Variants in SEC11A observed in about 807,000 individuals in gnomAD.
The protein encoded by SEC11A is signal peptidase complex catalytic subunit SEC11A.
In SEC11A, 14 loss-of-function variants were observed where a neutral mutation model predicts 25.6. That is an observed-to-expected ratio of 0.55 (90% confidence interval 0.36 to 0.85). The LOEUF is 0.85. Ranked by LOEUF, SEC11A falls within the 40% of genes least tolerant of loss-of-function variation. The probability of loss-of-function intolerance (pLI) is 0.01; values close to 1 mark genes in which losing one functional copy is unlikely to be tolerated. For missense variants in SEC11A, 153 were observed against 222.9 expected, an observed-to-expected ratio of 0.69 and a Z score of 2.00; for synonymous variants, 83 against 76.4, an observed-to-expected ratio of 1.09 and a Z score of -0.45.
At chr15:84,680,194 G>A (rs555921580) in intron 4 of SEC11A, among the ~76,000 whole-genome samples, 3 of 151,816 alleles carry the variant, frequency 2.0e-5, no homozygotes, top group Admixed American at 6.6e-5. Context: ...CCAGCTACTC[G>A]GGAGGCTGAG....
Position 84,673,168 on chromosome 15 carries a change from G to A in SEC11A, c.432-2386C>T, listed in dbSNP as rs181742183. 6.9e-3 allele frequency: 1,189 copies of A among 172,260 alleles called. 40 individuals carry two copies. The East Asian group carries it at 0.092, about 13-fold the overall frequency. 10.7% of individuals were successfully genotyped at this position (172,260 alleles called of 1,614,324 possible). The stretch of plus-strand genomic sequence containing the variant: ...CCCCGCCAGGCCAGCCGCCCCGTCC[G>A]GGAGGTGAGGGGCGCCTCTGCCCGG... On this transcript the variant is annotated intron_variant, in intron 4 of 5. Coordinates refer to ENST00000268220, the MANE Select transcript of SEC11A (RefSeq NM_014300.4).
chr15:84,694,467 A>T (rs895788619), intron 1 of SEC11A, among the ~76,000 whole-genome samples: 2 of 152,164 alleles, frequency 1.3e-5, no homozygotes, highest in Admixed American at 1.3e-4. Flanking sequence ...TTCCCTTTTT[A>T]AATCAATTGT....
chr15:84,689,057 A>G (rs1392475712), intron 2 of SEC11A, among the ~76,000 whole-genome samples: 1 of 151,606 alleles, frequency 6.6e-6, no homozygotes, highest in Non-Finnish European at 1.5e-5. Context: ...AAGAAGAAGA[A>G]AAGAAAAAAA....
chr15:84,678,474 TAAC>T (rs1567034537), intron 4 of SEC11A, among the ~76,000 whole-genome samples: 1 of 152,160 alleles, frequency 6.6e-6, no homozygotes, highest in African/African-American at 2.4e-5. Flanking sequence ...TCAGAATACC[TAAC>T]AACAGGAGAC....
intron 1 of SEC11A, among the ~76,000 whole-genome samples, chr15:84,715,596 T>C (rs1415066353): frequency 1.3e-5 from 2 of 152,176 alleles, no homozygotes; most frequent in African/African-American, 2.4e-5. Flanking sequence ...ACGGTTTTTG[T>C]GGGGCCTCCA....
intron 1 of SEC11A, among the ~76,000 whole-genome samples, chr15:84,695,759 A>G (rs1358949907): frequency 6.6e-6 from 1 of 152,206 alleles, no homozygotes; most frequent in African/African-American, 2.4e-5. Flanking sequence ...TTCACACTTG[A>G]TCTTAGCCAA....
At chr15:84,673,891 G>A (rs1458222607) in intron 4 of SEC11A, 1 of 152,072 alleles carries the variant, frequency 6.6e-6, no homozygotes, top group Non-Finnish European at 1.5e-5. Context: ...CCTGGCGACA[G>A]GGTGAGACTC....
chr15:84,704,604 T>G (rs542881791), intron 1 of SEC11A, among the ~76,000 whole-genome samples: 8 of 152,294 alleles, frequency 5.3e-5, no homozygotes, highest in African/African-American at 1.7e-4. Flanking sequence ...TGATACCCAG[T>G]GGGTCTGTGT....
intron 4 of SEC11A, among the ~76,000 whole-genome samples, chr15:84,680,134 T>C (rs1356109464): frequency 6.7e-6 from 1 of 149,704 alleles, no homozygotes; most frequent in Non-Finnish European, 1.5e-5. Context: ...ACGCCATCTC[T>C]ACTAAAAAAA....
chr15:84,678,427 A>G (rs1897196895), intron 4 of SEC11A, among the ~76,000 whole-genome samples: 1 of 152,212 alleles, frequency 6.6e-6, no homozygotes, highest in Non-Finnish European at 1.5e-5. Context: ...AAGGATATTT[A>G]TCATAACATT....
chr15:84,688,509 C>T (rs1211721385), intron 2 of SEC11A, among the ~76,000 whole-genome samples: 1 of 152,158 alleles, frequency 6.6e-6, no homozygotes, highest in Non-Finnish European at 1.5e-5. Context: ...AATTTATGAA[C>T]CCCTTTTTAT....
At chr15:84,675,677 G>A (rs1450307145) in intron 4 of SEC11A, among the ~76,000 whole-genome samples, 1 of 151,936 alleles carries the variant, frequency 6.6e-6, no homozygotes. Flanking sequence ...TCTGTTCCCC[G>A]ATCCTCTGCC....
At chr15:84,687,213 C>T (rs1428090320) in intron 3 of SEC11A, among the ~76,000 whole-genome samples, 1 of 152,102 alleles carries the variant, frequency 6.6e-6, no homozygotes, top group South Asian at 2.1e-4. Flanking sequence ...GGAGTCTCAC[C>T]ATGTTGCCCA....
intron 2 of SEC11A, 129 bp from the exon 3 acceptor site, chr15:84,687,903 A>G: frequency 1.3e-6 from 1 of 751,316 alleles, no homozygotes; most frequent in Non-Finnish European, 2.0e-6. Flanking sequence ...AACTATATCA[A>G]CAGAAATGTG....
intron 1 of SEC11A, among the ~76,000 whole-genome samples, chr15:84,694,363 A>AT (rs1897697400): frequency 6.6e-6 from 1 of 152,016 alleles, no homozygotes; most frequent in Admixed American, 6.6e-5. Flanking sequence ...AAAAAAAAAA[A>AT]GGAAGAAAAT....
chr15:84,703,056 A>G (rs1020114775), intron 1 of SEC11A, among the ~76,000 whole-genome samples: 1 of 152,204 alleles, frequency 6.6e-6, no homozygotes, highest in Non-Finnish European at 1.5e-5. Context: ...TAGGGATGCT[A>G]TATGGAGCCA....
intron 2 of SEC11A, among the ~76,000 whole-genome samples, chr15:84,689,671 G>A (rs922461991): frequency 1.2e-4 from 18 of 149,178 alleles, no homozygotes; most frequent in African/African-American, 4.2e-4. Flanking sequence ...GCAATGGAGC[G>A]ATCTCCGCTC....
intron 4 of SEC11A, chr15:84,679,080 A>C: frequency 3.8e-6 from 1 of 263,204 alleles, no homozygotes; most frequent in South Asian, 3.7e-5. Context: ...TTAATAGTAA[A>C]TATTTATGGA....
At chr15:84,687,892 C>G (rs1270095265) in intron 2 of SEC11A, 118 bp from the exon 3 acceptor site, 2 of 772,484 alleles carry the variant, frequency 2.6e-6, no homozygotes, top group Admixed American at 7.3e-5. Flanking sequence ...AATACCCTAA[C>G]AACTATATCA....
Sources: gnomAD v4.1 joint callset for allele counts (sites outside exome capture counted in the v4.1 genomes callset) on GRCh38, gnomAD v4.1.1 for gene constraint, MANE v1.5 for transcripts, NCBI Gene and HGNC (gene_info 2026-07-23, HGNC 2026-07-21) for gene names.